Variants in CLPB observed in about 807,000 individuals in gnomAD.
CLPB encodes mitochondrial disaggregase.
A neutral mutation model predicts 78.4 loss-of-function variants in CLPB; 40 were observed. That is an observed-to-expected ratio of 0.51 (90% CI 0.40 to 0.66). The LOEUF (loss-of-function observed/expected upper bound fraction) is 0.66. CLPB is among the 30% of genes least tolerant of loss of function. The probability of loss-of-function intolerance (pLI) is 0.00; values close to 1 mark genes in which losing one functional copy is unlikely to be tolerated. For missense variants in CLPB, 780 were observed against 886.9 expected (o/e 0.88, Z 1.53); for synonymous variants, 333 against 348.0 (o/e 0.96, Z 0.48).
intron 5 of CLPB, among the ~76,000 whole-genome samples, chr11:72,343,608 G>A (rs1325546222): frequency 1.3e-5 from 2 of 152,172 alleles, no homozygotes; most frequent in Non-Finnish European, 2.9e-5. Context: ...GTGGTGGGAG[G>A]CTAGGAGGAA....
intron 11 of CLPB, 99 bp from the exon 12 acceptor site, chr11:72,295,747 G>A: frequency 8.4e-7 from 1 of 1,193,886 alleles, no homozygotes; most frequent in Admixed American, 2.2e-5. Context: ...CCTCCCCAGA[G>A]CCCTGTGTCT....
chr11:72,326,648 C>G (rs2135544919), intron 6 of CLPB, among the ~76,000 whole-genome samples: 1 of 152,136 alleles, frequency 6.6e-6, no homozygotes, highest in East Asian at 1.9e-4. Flanking sequence ...CAACCCATGT[C>G]TAGACAAAGA....
At chr11:72,433,522 G>T (rs1856607506) in intron 1 of CLPB, among the ~76,000 whole-genome samples, 4 of 151,016 alleles carry the variant, frequency 2.6e-5, no homozygotes, top group Admixed American at 2.6e-4. Context: ...CTTGGCGACA[G>T]AGCAAGACTC....
chr11:72,367,256 T>C (rs372597303), intron 4 of CLPB, among the ~76,000 whole-genome samples: 7 of 152,324 alleles, frequency 4.6e-5, no homozygotes, highest in Middle Eastern at 3.4e-3. Flanking sequence ...CTCTGCCTCC[T>C]GGATTCAAGT....
Position 72,286,223 on chromosome 11 carries a change from G to GTTTTTTTTTTTGTTTT in CLPB, c.*7143_*7144insAAAACAAAAAAAAAAA. The GTTTTTTTTTTTGTTTT allele has an allele frequency of 3.3e-5, 2 of 60,450 alleles. 1 individual carries two copies. The highest frequency in any genetic ancestry group is 8.8e-4 in the East Asian group (2 of 2,266). The allele number at this position is 60,450 out of a possible 1,614,324, so 3.7% of individuals were successfully genotyped here. ...ATTACAGGTGTGAGATACTGCACCT[G>GTTTTTTTTTTTGTTTT]TTTTTTTTTTTTTTTTTTTTTTTAA... On this transcript the variant is annotated 3_prime_UTR_variant, in exon 16 of 16. Transcript: ENST00000538039.
intron 2 of CLPB, among the ~76,000 whole-genome samples, chr11:72,422,005 C>T (rs533852330): frequency 6.6e-6 from 1 of 152,274 alleles, no homozygotes; most frequent in Non-Finnish European, 1.5e-5. Flanking sequence ...TGGTGGCTCA[C>T]GCCTGTAATC....
At chr11:72,304,173 C>T (rs1024968296) in intron 9 of CLPB, 3 of 152,228 alleles carry the variant, frequency 2.0e-5, no homozygotes, top group African/African-American at 4.8e-5. Context: ...TGGCCGGAAT[C>T]ATCATTTTGA....
chr11:72,364,709 CCTG>C (rs1373563112), intron 4 of CLPB, among the ~76,000 whole-genome samples: 1 of 152,038 alleles, frequency 6.6e-6, no homozygotes, highest in East Asian at 1.9e-4. Flanking sequence ...CTCCTCCCTT[CCTG>C]CCACATAGAG....
intron 5 of CLPB, among the ~76,000 whole-genome samples, chr11:72,353,550 G>T (rs760531297): frequency 2.6e-5 from 4 of 152,220 alleles, no homozygotes; most frequent in Non-Finnish European, 4.4e-5. Flanking sequence ...AGTGGTTTTG[G>T]AGATTTATCA....
chr11:72,336,705 T>G, intron 5 of CLPB: 1 of 179,344 alleles, frequency 5.6e-6, no homozygotes, highest in Non-Finnish European at 1.2e-5. Context: ...AATTAGAAGT[T>G]TTGGTTGAAA....
intron 3 of CLPB, among the ~76,000 whole-genome samples, chr11:72,383,943 G>C (rs775400493): frequency 9.2e-5 from 14 of 152,130 alleles, no homozygotes; most frequent in Non-Finnish European, 1.9e-4. Flanking sequence ...CTCACTGGAA[G>C]CCTGAGAAAC....
intron 5 of CLPB, among the ~76,000 whole-genome samples, chr11:72,335,513 C>A (rs4268536): frequency 6.6e-6 from 1 of 152,176 alleles, no homozygotes; most frequent in Non-Finnish European, 1.5e-5. Context: ...GATTCTCTCA[C>A]CAACCCCACT....
intron 5 of CLPB, among the ~76,000 whole-genome samples, chr11:72,333,682 G>C (rs141299243): frequency 1.3e-5 from 2 of 152,200 alleles, no homozygotes; most frequent in African/African-American, 4.8e-5. Flanking sequence ...TGCTGAAGGA[G>C]GGACAGGCGG....
chr11:72,355,723 C>T (rs1337373245), intron 5 of CLPB, among the ~76,000 whole-genome samples: 1 of 152,160 alleles, frequency 6.6e-6, no homozygotes, highest in African/African-American at 2.4e-5. Context: ...GAGAGCTTTC[C>T]ACATTATCAG....
Position 72,295,553 on chromosome 11 carries a change from G to T in CLPB, c.1425C>A (p.His475Gln), listed in dbSNP as rs756497518. Residue 475 changes from histidine to glutamine, a missense_variant, in exon 12 of 16, where the codon CAC becomes CAA. By Grantham distance (24) the His-to-Gln change is conservative. Transcript: ENST00000538039. ...SNVASDEIAQ[H>Q]ALQLRQEALE... is the part of the protein sequence containing the mutation. ...AAGCTTCCTGCCTCAGCTGCAGCGCGTGCTGTGCGATCTCGTCGCTGGCCA... is the reference window on the plus strand; with the variant it reads ...AAGCTTCCTGCCTCAGCTGCAGCGCTTGCTGTGCGATCTCGTCGCTGGCCA... The T allele has an allele frequency of 7.4e-6, 12 of 1,614,234 alleles. No homozygotes were observed. Among genetic ancestry groups the T allele is most frequent in the Non-Finnish European group, 1.0e-5 (12 of 1,180,046 alleles).
At chr11:72,423,600 C>G (rs1291979201) in intron 2 of CLPB, among the ~76,000 whole-genome samples, 2 of 152,192 alleles carry the variant, frequency 1.3e-5, no homozygotes, top group South Asian at 2.1e-4. Flanking sequence ...AGATCTCTAC[C>G]AATCTGTTCT....
intron 5 of CLPB, among the ~76,000 whole-genome samples, chr11:72,348,256 T>C (rs1950550350): frequency 6.6e-6 from 1 of 152,222 alleles, no homozygotes; most frequent in Non-Finnish European, 1.5e-5. Context: ...TCCAAATTTT[T>C]ATCTTGTGCA....
rs547540649 is a variant in CLPB at position 72,397,358 on chromosome 11, C to T, written c.542+5608G>A. Among the ~76,000 whole-genome samples the T allele has an allele frequency of 9.9e-5, 15 of 152,242 alleles. No individual in the cohort carries two copies. The South Asian group carries it at 2.5e-3, about 25-fold the overall frequency. On this transcript the variant is annotated intron_variant, in intron 3 of 15. Coordinates refer to ENST00000538039, the MANE Select transcript of CLPB (RefSeq NM_001258392.3). Reference sequence around the variant, plus strand: ...ATTTACATACAGGTATTTTTGCAGACGTACATTTTTATTTCTCTTAGACAA... The same window carrying T: ...ATTTACATACAGGTATTTTTGCAGATGTACATTTTTATTTCTCTTAGACAA...
chr11:72,339,012 G>A (rs1442945108), intron 5 of CLPB, among the ~76,000 whole-genome samples: 1 of 152,318 alleles, frequency 6.6e-6, no homozygotes, highest in East Asian at 1.9e-4. Flanking sequence ...CAGACCCAAG[G>A]AGGTGGGTCA....
Sources: allele counts gnomAD v4.1 joint callset (sites outside exome capture counted in the v4.1 genomes callset), GRCh38; gene constraint gnomAD v4.1.1; transcripts MANE v1.5; gene names NCBI Gene and HGNC (gene_info 2026-07-23, HGNC 2026-07-21).